The following ZBTB20 variants were observed in gnomAD, a reference collection of about 807,000 sequenced individuals.
ZBTB20 encodes zinc finger and BTB domain-containing protein 20.
A neutral mutation model predicts 56.9 loss-of-function variants in ZBTB20; 9 were observed. That is an observed-to-expected ratio of 0.16 (90% CI 0.10 to 0.28). The LOEUF (loss-of-function observed/expected upper bound fraction) is 0.28. Among genes scored for constraint, ZBTB20 ranks in the 10% least tolerant of loss-of-function variants. The pLI is 1.00. For synonymous variants in ZBTB20, 417 were observed against 420.7 expected (o/e 0.99, Z 0.11); for missense variants, 655 against 1,003.0 (o/e 0.65, Z 4.69).
At chr3:114,766,489 A>ATG (rs71297433) in intron 5 of ZBTB20, among the ~76,000 whole-genome samples, 60,184 of 138,844 alleles carry the variant, frequency 0.43, 13,700 homozygotes, top group East Asian at 0.68. Context: ...TGGGATGGAA[A>ATG]TGTGTGTGTG....
chr3:114,973,753 T>C (rs1392140101), intron 3 of ZBTB20, among the ~76,000 whole-genome samples: 3 of 152,208 alleles, frequency 2.0e-5, no homozygotes, highest in South Asian at 2.1e-4. Flanking sequence ...TAACCATGCA[T>C]GTAAGAAGAA....
intron 6 of ZBTB20, among the ~76,000 whole-genome samples, chr3:114,677,424 A>C (rs979572941): frequency 1.3e-5 from 2 of 152,154 alleles, no homozygotes; most frequent in African/African-American, 4.8e-5. Flanking sequence ...GCCTACTGTC[A>C]GATCAGCAGC....
At chr3:114,681,246 G>A (rs769761907) in intron 6 of ZBTB20, among the ~76,000 whole-genome samples, 4 of 148,718 alleles carry the variant, frequency 2.7e-5, no homozygotes, top group Admixed American at 6.8e-5. Flanking sequence ...TGCAACCTCC[G>A]TCTCCCGGGT....
In ZBTB20 at chr3:114,514,956, C is replaced by A. The variant is rs139249742; in HGVS notation, c.-294-14565G>T. ...GCTCTTACATGCACAGGTATTTCTT[C>A]TACTCTTACATTCTTTTCCTAAGGA... On this transcript the variant is annotated intron_variant, in intron 6 of 11. Coordinates refer to ENST00000675478, the MANE Select transcript of ZBTB20 (RefSeq NM_001348800.3). 7.9e-4 allele frequency among the ~76,000 whole-genome samples: 120 copies of A among 152,310 alleles called. 1 individual carries two copies. The East Asian group carries it at 0.022, about 28-fold the overall frequency.
At chr3:114,815,295 C>T (rs896815880) in intron 4 of ZBTB20, among the ~76,000 whole-genome samples, 1 of 152,028 alleles carries the variant, frequency 6.6e-6, no homozygotes, top group Non-Finnish European at 1.5e-5. Flanking sequence ...ATTAACTTTT[C>T]GTGACTATGA....
chr3:114,399,068 G>A (rs1047196994), intron 7 of ZBTB20, among the ~76,000 whole-genome samples: 1 of 152,146 alleles, frequency 6.6e-6, no homozygotes, highest in Non-Finnish European at 1.5e-5. Context: ...GAGTTTTTCA[G>A]ATTAGATGTT....
chr3:114,991,749 G>C (rs1045150117), intron 2 of ZBTB20, among the ~76,000 whole-genome samples: 1 of 152,058 alleles, frequency 6.6e-6, no homozygotes, highest in Non-Finnish European at 1.5e-5. Flanking sequence ...AAGTCTCTTT[G>C]TAGGTCTCTA....
chr3:114,806,738 G>A (rs2072133742), intron 4 of ZBTB20, among the ~76,000 whole-genome samples: 1 of 151,802 alleles, frequency 6.6e-6, no homozygotes, highest in Non-Finnish European at 1.5e-5. Context: ...CTCACATTTA[G>A]GCCCATGATT....
At chr3:114,359,845 G>A (rs2081623337) in intron 10 of ZBTB20, among the ~76,000 whole-genome samples, 1 of 152,118 alleles carries the variant, frequency 6.6e-6, no homozygotes, top group Admixed American at 6.5e-5. Context: ...TTTAAAAATT[G>A]AGTATATGAA....
At chr3:114,803,816 A>T (rs917981223) in intron 4 of ZBTB20, among the ~76,000 whole-genome samples, 2 of 115,518 alleles carry the variant, frequency 1.7e-5, no homozygotes, top group African/African-American at 2.6e-5. Context: ...TCACTACTGT[A>T]CACTGAACCC....
intron 4 of ZBTB20, among the ~76,000 whole-genome samples, chr3:114,843,701 G>C (rs2074503663): frequency 6.6e-6 from 1 of 151,868 alleles, no homozygotes; most frequent in Admixed American, 6.6e-5. Flanking sequence ...TTTTGAGACG[G>C]AGTCTCACTC....
At chr3:114,475,564 A>G (rs994601537) in intron 7 of ZBTB20, among the ~76,000 whole-genome samples, 3 of 152,226 alleles carry the variant, frequency 2.0e-5, no homozygotes, top group African/African-American at 7.2e-5. Context: ...AAGATTAGAA[A>G]TAATGCATCA....
chr3:114,714,132 C>T (rs911286641), intron 5 of ZBTB20: 4 of 152,494 alleles, frequency 2.6e-5, no homozygotes, highest in African/African-American at 9.7e-5. Context: ...AAGCTATCAT[C>T]CTAGACAGAA....
At chr3:114,867,031 GTTTCT>G (rs2075793649) in intron 4 of ZBTB20, among the ~76,000 whole-genome samples, 2 of 152,244 alleles carry the variant, frequency 1.3e-5, no homozygotes, top group South Asian at 4.1e-4. Context: ...GTTAATGAAT[GTTTCT>G]TAAACTGCTT....
At chr3:114,480,820 ATT>A (rs1010932124) in intron 7 of ZBTB20, among the ~76,000 whole-genome samples, 1 of 146,488 alleles carries the variant, frequency 6.8e-6, no homozygotes. Context: ...AAGGCTGGTC[ATT>A]TTTTTTTTTT....
chr3:114,897,609 AG>A (rs1157567710), intron 4 of ZBTB20, among the ~76,000 whole-genome samples: 1 of 151,984 alleles, frequency 6.6e-6, no homozygotes, highest in Non-Finnish European at 1.5e-5. Context: ...TTAATATTCT[AG>A]CAAATATATA....
chr3:114,740,392 T>C (rs2066488406), intron 5 of ZBTB20, among the ~76,000 whole-genome samples: 2 of 152,224 alleles, frequency 1.3e-5, no homozygotes, highest in South Asian at 4.1e-4. Flanking sequence ...AAATGTTTCC[T>C]GTGGGTACGA....
intron 3 of ZBTB20, among the ~76,000 whole-genome samples, chr3:114,927,044 G>A (rs1576345718): frequency 6.6e-6 from 1 of 152,064 alleles, no homozygotes. Context: ...AATAAATCTT[G>A]GGGCCCAAAA....
intron 8 of ZBTB20, 21 bp from the exon 9 acceptor site, chr3:114,380,961 ATTAGAAGGCCT>A (rs2084256401): frequency 2.3e-6 from 1 of 444,444 alleles, no homozygotes; most frequent in Non-Finnish European, 3.9e-6. Flanking sequence ...AAGGGCTTGG[ATTAGAAGGCCT>A]TAAAGGTTCC....
Sources: gnomAD v4.1 joint callset for allele counts (sites outside exome capture counted in the v4.1 genomes callset) on GRCh38, gnomAD v4.1.1 for gene constraint, MANE v1.5 for transcripts, NCBI Gene and HGNC (gene_info 2026-07-23, HGNC 2026-07-21) for gene names.